The following PTPRN2 variants were observed in gnomAD, a reference collection of about 807,000 sequenced individuals.
PTPRN2 encodes receptor-type tyrosine-protein phosphatase N2.
In PTPRN2, 74 loss-of-function variants were observed where a neutral mutation model predicts 118.8. The ratio of observed to expected loss-of-function variants is 0.62; its 90% confidence interval spans 0.52 to 0.76. PTPRN2 has a LOEUF of 0.76. Among genes scored for constraint, PTPRN2 ranks in the 30% least tolerant of loss-of-function variants. The pLI is 0.00. For missense variants in PTPRN2, 1,481 were observed against 1,394.4 expected (o/e 1.06, Z -0.99); for synonymous variants, 641 against 608.0 (o/e 1.05, Z -0.80).
At chr7:158,470,357 G>T (rs528006947) in intron 2 of PTPRN2, among the ~76,000 whole-genome samples, 2 of 152,288 alleles carry the variant, frequency 1.3e-5, no homozygotes, top group Non-Finnish European at 2.9e-5. Context: ...CATCTTTCCA[G>T]AATCTCAAGT....
At position 157,618,357 on chromosome 7, in the gene PTPRN2, T is replaced by C. The variant is rs1278777564; in HGVS notation, c.2344+3005A>G. 1 of 152,176 alleles carries C rather than the reference T, an allele frequency of 6.6e-6. No homozygotes were observed. The allele number at this position is 152,176 out of a possible 1,614,324, so 9.4% of individuals were successfully genotyped here. On this transcript the variant is annotated intron_variant, in intron 15 of 22. Coordinates refer to ENST00000389418, the MANE Select transcript of PTPRN2 (RefSeq NM_002847.5). This position sits in a 1 kb window ranked among gnomAD's most constrained non-coding sequence, Gnocchi z 4.2. Reference sequence around the variant, plus strand: ...CCTAACAGAGGACAGCGTGGCCGAGTACTCATGCTTCCAACCCTGCACAGA... The same window carrying C: ...CCTAACAGAGGACAGCGTGGCCGAGCACTCATGCTTCCAACCCTGCACAGA...
At chr7:158,136,433 G>C (rs371200494) in intron 8 of PTPRN2, among the ~76,000 whole-genome samples, 16 of 152,168 alleles carry the variant, frequency 1.1e-4, no homozygotes, top group African/African-American at 3.9e-4. Flanking sequence ...TTCTACCATG[G>C]ATAAATTAGG....
At chr7:158,377,776 C>T (rs1810661394) in intron 2 of PTPRN2, among the ~76,000 whole-genome samples, 1 of 152,224 alleles carries the variant, frequency 6.6e-6, no homozygotes, top group Admixed American at 6.5e-5. Context: ...TCCAGGGACA[C>T]TACCTGGTAA....
chr7:158,056,223 C>T (rs1809781752), intron 11 of PTPRN2, among the ~76,000 whole-genome samples: 2 of 152,294 alleles, frequency 1.3e-5, no homozygotes, highest in African/African-American at 4.8e-5. Context: ...AGGAGTGTTA[C>T]CCTGCCCCAG....
chr7:158,543,933 G>A (rs971353369), intron 1 of PTPRN2, among the ~76,000 whole-genome samples: 6 of 152,168 alleles, frequency 3.9e-5, no homozygotes, highest in South Asian at 2.1e-4. Flanking sequence ...AAGCAGCTCC[G>A]CACTGTGGGT....
chr7:157,672,134 T>C (rs1796447869), intron 13 of PTPRN2, among the ~76,000 whole-genome samples: 1 of 152,044 alleles, frequency 6.6e-6, no homozygotes, highest in Non-Finnish European at 1.5e-5. Context: ...CACTTGGGGT[T>C]GATTTGAAAT....
At chr7:157,840,200 CGTGTGACTGTGTGGCCACGTGTGACT>C (rs1808288509) in intron 12 of PTPRN2, among the ~76,000 whole-genome samples, 1 of 121,252 alleles carries the variant, frequency 8.2e-6, no homozygotes, top group African/African-American at 3.3e-5. Flanking sequence ...ACTGTGACCG[CGTGTGACTGTGTGGCCACGTGTGACT>C]GTGTGACTGT....
intron 12 of PTPRN2, chr7:157,739,154 G>C (rs184184290): frequency 2.6e-5 from 4 of 152,194 alleles, no homozygotes; most frequent in African/African-American, 7.2e-5. Flanking sequence ...AGCCGGGGGG[G>C]ACTCACCCAA....
At chr7:158,432,669 A>G (rs1332966134) in intron 2 of PTPRN2, among the ~76,000 whole-genome samples, 1 of 152,234 alleles carries the variant, frequency 6.6e-6, no homozygotes, top group African/African-American at 2.4e-5. Context: ...TATGCATTCC[A>G]AAGCGTTCAC....
intron 3 of PTPRN2, among the ~76,000 whole-genome samples, chr7:158,211,848 C>A (rs563086196): frequency 6.6e-6 from 1 of 152,258 alleles, no homozygotes; most frequent in African/African-American, 2.4e-5. Flanking sequence ...ATAATATAAT[C>A]CAGCAATCCC....
intron 6 of PTPRN2, among the ~76,000 whole-genome samples, chr7:158,157,100 G>A (rs923078365): frequency 4.0e-5 from 6 of 151,774 alleles, no homozygotes; most frequent in African/African-American, 1.5e-4. Context: ...TCCCCATTGT[G>A]CTTACACAGC....
intron 11 of PTPRN2, among the ~76,000 whole-genome samples, chr7:158,057,956 T>C (rs148455679): frequency 1.3e-4 from 20 of 152,330 alleles, no homozygotes; most frequent in African/African-American, 4.3e-4. Context: ...AATGGGAAAG[T>C]TTCCCTCCTC....
At chr7:158,265,802 G>A (rs972338356) in intron 3 of PTPRN2, among the ~76,000 whole-genome samples, 8 of 152,198 alleles carry the variant, frequency 5.3e-5, no homozygotes, top group South Asian at 4.1e-4. Flanking sequence ...GCCAGAGGCC[G>A]CCTGGCTCCC....
At chr7:157,819,175 C>T (rs899777694) in intron 12 of PTPRN2, among the ~76,000 whole-genome samples, 2 of 152,198 alleles carry the variant, frequency 1.3e-5, no homozygotes, top group Non-Finnish European at 2.9e-5. Flanking sequence ...CAGCCCCCTT[C>T]GGAAGCCCAG....
intron 2 of PTPRN2, among the ~76,000 whole-genome samples, chr7:158,421,694 G>A (rs7784758): frequency 0.44 from 66,578 of 152,060 alleles, 15,149 homozygotes; most frequent in Non-Finnish European, 0.49. Context: ...GAAAAATGAA[G>A]CTGAATCGTG....
chr7:158,509,422 A>G lies in PTPRN2; in HGVS notation c.113-19637T>C, dbSNP rs1431317737. On this transcript the variant is annotated intron_variant, in intron 1 of 22. Transcript: ENST00000389418. The surrounding 1 kb of genome is among the most constrained non-coding windows in gnomAD (Gnocchi z 4.4). Reference sequence around the variant, plus strand: ...ATCTAAAGGCCTCTCCAAGCCATGCACCCACCCTGCAGGAAAGAGCTCAGC... The same window carrying G: ...ATCTAAAGGCCTCTCCAAGCCATGCGCCCACCCTGCAGGAAAGAGCTCAGC... Among the ~76,000 whole-genome samples the G allele has an allele frequency of 2.6e-5, 4 of 152,156 alleles. No homozygotes were observed.
At chr7:157,820,085 C>T (rs1274791524) in intron 12 of PTPRN2, among the ~76,000 whole-genome samples, 1 of 151,112 alleles carries the variant, frequency 6.6e-6, no homozygotes, top group Non-Finnish European at 1.5e-5. Flanking sequence ...AATGTATATG[C>T]ACACACACAA....
At chr7:158,442,696 T>C (rs889591458) in intron 2 of PTPRN2, among the ~76,000 whole-genome samples, 11 of 152,222 alleles carry the variant, frequency 7.2e-5, no homozygotes, top group Non-Finnish European at 1.5e-4. Flanking sequence ...TTTTGTGGCT[T>C]GTACCCTTCT....
intron 7 of PTPRN2, 40 bp downstream of exon 7, chr7:158,138,254 C>T (rs369200787): frequency 2.0e-5 from 32 of 1,589,898 alleles, no homozygotes; most frequent in Non-Finnish European, 2.5e-5. Flanking sequence ...CCCCTCCCCG[C>T]AGCACCCCTG....
Sources: allele counts gnomAD v4.1 joint callset (sites outside exome capture counted in the v4.1 genomes callset), GRCh38; gene constraint gnomAD v4.1.1; non-coding constraint Gnocchi (gnomAD v3.1); transcripts MANE v1.5; gene names NCBI Gene and HGNC (gene_info 2026-07-23, HGNC 2026-07-21).